Variants in ARHGAP28 observed in about 807,000 individuals in gnomAD.
ARHGAP28 encodes the protein Rho GTPase activating protein 28.
ARHGAP28 carries 56 observed loss-of-function variants against 90.7 expected under a neutral mutation model. The observed-to-expected ratio is 0.62, with a 90% CI of 0.50 to 0.77. The LOEUF (loss-of-function observed/expected upper bound fraction) is 0.77. Ranked by LOEUF, ARHGAP28 falls within the 30% of genes least tolerant of loss-of-function variation. The probability of loss-of-function intolerance (pLI) is 0.00; values close to 1 mark genes in which losing one functional copy is unlikely to be tolerated. For missense variants in ARHGAP28, 869 were observed against 900.9 expected, an observed-to-expected ratio of 0.96 and a Z score of 0.45; for synonymous variants, 308 against 323.3, an observed-to-expected ratio of 0.95 and a Z score of 0.51.
chr18:6,743,707 C>T (rs1387255960), intron 1 of ARHGAP28, among the ~76,000 whole-genome samples: 1 of 152,104 alleles, frequency 6.6e-6, no homozygotes, highest in African/African-American at 2.4e-5. Context: ...GTAAATATAT[C>T]CCCCAGTGTT....
intron 3 of ARHGAP28, 122 bp from the exon 4 acceptor site, chr18:6,850,912 T>C: frequency 1.3e-6 from 2 of 1,534,842 alleles, no homozygotes; most frequent in Admixed American, 2.0e-5. Flanking sequence ...TAGTCATTAA[T>C]TGTATATATC....
At chr18:6,844,063 A>C (rs899882756) in intron 3 of ARHGAP28, among the ~76,000 whole-genome samples, 2 of 152,202 alleles carry the variant, frequency 1.3e-5, no homozygotes, top group African/African-American at 4.8e-5. Flanking sequence ...TTTCAGTGAC[A>C]CATTTAACTG....
At chr18:6,872,504 T>C (rs918155524) in intron 7 of ARHGAP28, among the ~76,000 whole-genome samples, 40 of 152,340 alleles carry the variant, frequency 2.6e-4, no homozygotes, top group Admixed American at 7.8e-4. Flanking sequence ...GAAACTCCTA[T>C]GGAAAATGTG....
chr18:6,764,311 A>G (rs1010563679), intron 1 of ARHGAP28, among the ~76,000 whole-genome samples: 3 of 152,162 alleles, frequency 2.0e-5, no homozygotes, highest in Non-Finnish European at 4.4e-5. Context: ...CTGTGACACT[A>G]CCTGCCATTA....
intron 1 of ARHGAP28, among the ~76,000 whole-genome samples, chr18:6,780,135 G>A (rs2056312919): frequency 1.3e-5 from 2 of 152,210 alleles, no homozygotes; most frequent in Admixed American, 1.3e-4. Context: ...GACAAGGCCA[G>A]ATGGCTGCCC....
chr18:6,875,167 G>A (rs936334771), intron 9 of ARHGAP28: 11 of 152,304 alleles, frequency 7.2e-5, no homozygotes, highest in African/African-American at 2.6e-4. Flanking sequence ...CAAATAGAAA[G>A]TACTCAATAA....
intron 1 of ARHGAP28, among the ~76,000 whole-genome samples, chr18:6,798,991 A>G (rs1187693986): frequency 6.6e-6 from 1 of 152,254 alleles, no homozygotes; most frequent in Non-Finnish European, 1.5e-5. Flanking sequence ...AAAATTTAAT[A>G]ATTGAGATGA....
chr18:6,803,423 G>A (rs1212441931), intron 1 of ARHGAP28, among the ~76,000 whole-genome samples: 1 of 152,090 alleles, frequency 6.6e-6, no homozygotes, highest in Non-Finnish European at 1.5e-5. Context: ...TGTAGTCGCA[G>A]GATGAACTCC....
At chr18:6,744,663 T>C (rs1160904026) in intron 1 of ARHGAP28, among the ~76,000 whole-genome samples, 2 of 152,200 alleles carry the variant, frequency 1.3e-5, no homozygotes, top group Non-Finnish European at 2.9e-5. Context: ...AAAGTGGAGC[T>C]TGGTTTATTT....
chr18:6,841,167 CCT>C lies in ARHGAP28; in HGVS notation c.543+3765_543+3766del, dbSNP rs776937358. ...CTGTCTCTCTCCTCTTTCTCTCTCTCCTCTCTCTCTCTCCTCTCTCTCTCTCT... is the reference window on the plus strand; with the variant it reads ...CTGTCTCTCTCCTCTTTCTCTCTCTCCTCTCTCTCTCCTCTCTCTCTCTCT... On this transcript the variant is annotated intron_variant, in intron 3 of 17. Coordinates refer to ENST00000383472, the MANE Select transcript of ARHGAP28 (RefSeq NM_001366230.1). Among the ~76,000 whole-genome samples the C allele has an allele frequency of 7.0e-3, 557 of 79,840 alleles. 7 individuals carry two copies. The highest frequency in any genetic ancestry group is 9.9e-3 in the African/African-American group (183 of 18,506). 52.4% of individuals were successfully genotyped at this position (79,840 alleles called of 152,430 possible).
rs1005311724 is a variant in ARHGAP28, at chr18:6,910,868, G to A, written c.2096-1192G>A. On this transcript the variant is annotated intron_variant, in intron 17 of 17. Transcript: ENST00000383472. ...GTTTGCTTTGTTTTTTTTTTGAGACGGAGTCTCGCTCTGTCGCCCAGGCTG... is the reference window on the plus strand; with the variant it reads ...GTTTGCTTTGTTTTTTTTTTGAGACAGAGTCTCGCTCTGTCGCCCAGGCTG... 2.7e-5 allele frequency among the ~76,000 whole-genome samples: 4 copies of A among 145,486 alleles called. No individual in the cohort carries two copies. The East Asian group carries it at 6.3e-4, about 23-fold the overall frequency.
rs1282799613 is a variant in ARHGAP28, at chr18:6,914,337, G to A, written c.*2183G>A. 1.3e-5 allele frequency: 2 copies of A among 152,146 alleles called. No homozygotes were observed. Among genetic ancestry groups the A allele is most frequent in the Non-Finnish European group, 2.9e-5 (2 of 68,018 alleles). The allele number at this position is 152,146 out of a possible 1,614,324, so 9.4% of individuals were successfully genotyped here. ...AGTATAATCACTCTAGTTTATTCAAGGATGTGTGGCAACTTTCAACTTCCA... is the reference window on the plus strand; with the variant it reads ...AGTATAATCACTCTAGTTTATTCAAAGATGTGTGGCAACTTTCAACTTCCA... On this transcript the variant is annotated 3_prime_UTR_variant, in exon 18 of 18. Coordinates refer to ENST00000383472, the MANE Select transcript of ARHGAP28 (RefSeq NM_001366230.1).
At chr18:6,804,268 A>T (rs2056503040) in intron 1 of ARHGAP28, among the ~76,000 whole-genome samples, 1 of 152,210 alleles carries the variant, frequency 6.6e-6, no homozygotes, top group Non-Finnish European at 1.5e-5. Flanking sequence ...ATTTAATATC[A>T]GTAAAATTTG....
intron 1 of ARHGAP28, among the ~76,000 whole-genome samples, chr18:6,782,110 G>GT (rs889773924): frequency 4.5e-4 from 67 of 148,078 alleles, no homozygotes; most frequent in African/African-American, 1.3e-3. Flanking sequence ...ATTCCAACTG[G>GT]TTTTTTTTTT....
chr18:6,769,315 G>T (rs2056224356), intron 1 of ARHGAP28, among the ~76,000 whole-genome samples: 2 of 152,118 alleles, frequency 1.3e-5, no homozygotes, highest in Admixed American at 1.3e-4. Flanking sequence ...ATAAGTCAGG[G>T]ACAACCTGTA....
Position 6,837,416 on chromosome 18 carries a change from T to C in ARHGAP28, c.543+2T>C, listed in dbSNP as rs1305618773. 1 of 1,600,656 alleles carries C rather than the reference T, an allele frequency of 6.2e-7. No homozygotes were observed. On this transcript the variant is annotated splice_donor_variant, in intron 3 of 17. Coordinates refer to ENST00000383472, the MANE Select transcript of ARHGAP28 (RefSeq NM_001366230.1). LOFTEE classifies it high-confidence loss of function. ...ATTTTTGGAGTCAGTGAATCTCCTG[T>C]AAGTAATGGCTCAAACATGGCTCAA...
chr18:6,890,327 G>A, intron 13 of ARHGAP28, 103 bp from the exon 14 acceptor site: 2 of 792,912 alleles, frequency 2.5e-6, no homozygotes, highest in Non-Finnish European at 2.0e-6. Flanking sequence ...CCTGGCTCCA[G>A]GATACCGAGT....
chr18:6,888,412 T>G (rs1220793586), intron 12 of ARHGAP28, among the ~76,000 whole-genome samples: 2 of 152,198 alleles, frequency 1.3e-5, no homozygotes, highest in African/African-American at 2.4e-5. Flanking sequence ...AGATGGTTCT[T>G]AGTGCTGCCT....
At chr18:6,784,267 G>A (rs1340091791) in intron 1 of ARHGAP28, among the ~76,000 whole-genome samples, 3 of 152,112 alleles carry the variant, frequency 2.0e-5, no homozygotes, top group African/African-American at 7.2e-5. Context: ...AATGCAGAAT[G>A]TTAGATTCTG....
Sources: gnomAD v4.1 joint callset for allele counts (sites outside exome capture counted in the v4.1 genomes callset) on GRCh38, gnomAD v4.1.1 for gene constraint, MANE v1.5 for transcripts, NCBI Gene and HGNC (gene_info 2026-07-23, HGNC 2026-07-21) for gene names.